Variants in SLC12A7 observed in about 807,000 individuals in gnomAD.
SLC12A7 encodes solute carrier family 12 member 7, also known as K-Cl cotransporter 4.
SLC12A7 carries 100 observed loss-of-function variants against 120.6 expected under a neutral mutation model. That is an observed-to-expected ratio of 0.83 (90% CI 0.71 to 0.98). SLC12A7 has a LOEUF of 0.98. Ranked by LOEUF, SLC12A7 falls within the 50% of genes least tolerant of loss-of-function variation. The pLI, the probability that SLC12A7 is intolerant of heterozygous loss-of-function variation, is 0.00. For synonymous variants in SLC12A7, 760 were observed against 678.0 expected, an observed-to-expected ratio of 1.12 and a Z score of -1.88; for missense variants, 1,373 against 1,548.1, an observed-to-expected ratio of 0.89 and a Z score of 1.90.
chr5:1,130,991 A>G, the SLC12A7 span, among the ~76,000 whole-genome samples: 15 of 151,874 alleles, frequency 9.9e-5, no homozygotes, highest in Non-Finnish European at 1.8e-4. Flanking sequence ...CCCACCTAGG[A>G]GATGGGGTCC....
chr5:1,051,783 C>T lies in SLC12A7; in HGVS notation c.*577G>A, dbSNP rs1245383929. 1 of 152,668 alleles carries T rather than the reference C, an allele frequency of 6.6e-6. No individual in the cohort carries two copies. Among genetic ancestry groups the T allele is most frequent in the African/African-American group, 2.4e-5 (1 of 41,468 alleles). 9.5% of individuals were successfully genotyped at this position (152,668 alleles called of 1,614,324 possible). On this transcript the variant is annotated 3_prime_UTR_variant, in exon 24 of 24. Transcript: ENST00000264930. The stretch of plus-strand genomic sequence containing the variant: ...AATGTGGACCTGCCGAGCCCAGAGG[C>T]TCCCACACGAGGGTGACACGGGCAT...
intron 20 of SLC12A7, among the ~76,000 whole-genome samples, chr5:1,060,987 C>CCGCA (rs1561034402): frequency 7.3e-6 from 1 of 136,096 alleles, no homozygotes; most frequent in African/African-American, 3.0e-5. Flanking sequence ...GTCTCACCCA[C>CCGCA]TGCACCTGCC....
intron 3 of SLC12A7, among the ~76,000 whole-genome samples, chr5:1,092,335 G>A (rs1740616383): frequency 6.6e-6 from 1 of 152,224 alleles, no homozygotes; most frequent in African/African-American, 2.4e-5. Context: ...AGGCTGGGAG[G>A]ATGCAGGGGA....
In SLC12A7 at chr5:1,063,965, T is replaced by C. The variant is rs1406256229; in HGVS notation, c.2618A>G (p.Lys873Arg). Residue 873 changes from lysine to arginine, a missense_variant, in exon 20 of 24, where the codon AAG becomes AGG. By Grantham distance (26) the Lys-to-Arg change is conservative (BLOSUM62 2). Transcript: ENST00000264930. ...CACGGTGAAGATACGCATCCGGCACTTCCTCCACACCTGCAGACAGGGAGG... is the reference window on the plus strand; with the variant it reads ...CACGGTGAAGATACGCATCCGGCACCTCCTCCACACCTGCAGACAGGGAGG... ...FLLRQHKVWRKCRMRIFTVAQ... is the reference protein window; with the variant it reads ...FLLRQHKVWRRCRMRIFTVAQ... The C allele has an allele frequency of 6.8e-6, 11 of 1,612,398 alleles. No individual in the cohort carries two copies.
At chr5:1,141,216 C>G in the SLC12A7 span, among the ~76,000 whole-genome samples, 1 of 152,166 alleles carries the variant, frequency 6.6e-6, no homozygotes, top group African/African-American at 2.4e-5. Flanking sequence ...CTGTGAGTGT[C>G]TATTTCTGTG....
At position 1,063,995 on chromosome 5, in the gene SLC12A7, G is replaced by A. The variant is rs771000583; in HGVS notation, c.2608-20C>T. 9.3e-6 allele frequency: 15 copies of A among 1,610,748 alleles called. No homozygotes were observed. Among genetic ancestry groups the A allele is most frequent in the Non-Finnish European group, 1.3e-5 (15 of 1,178,802 alleles). On this transcript the variant is annotated intron_variant, in intron 19 of 23. Coordinates refer to ENST00000264930, the MANE Select transcript of SLC12A7 (RefSeq NM_006598.3). ...CCACACCTGCAGACAGGGAGGGCATGGCTGTGGGGCCTCAGAGGAGCCCGT... is the reference window on the plus strand; with the variant it reads ...CCACACCTGCAGACAGGGAGGGCATAGCTGTGGGGCCTCAGAGGAGCCCGT...
At position 1,073,768 on chromosome 5, in the gene SLC12A7, C is replaced by A; in HGVS notation, c.2106G>T (p.Ala702=). Residue 702 remains alanine (A), a synonymous_variant, in exon 17 of 24, where the codon GCG becomes GCT. Transcript: ENST00000264930. The part of the protein sequence containing the change: ...PQVLVMLNLD[A]EQAVKHPRLL... ...GGCGGGGGTGCTTCACGGCCTGCTC[C>A]GCGTCCAGGTTCAGCATCACCAGCA... 1.3e-6 allele frequency: 2 copies of A among 1,492,116 alleles called. No individual in the cohort carries two copies. Among genetic ancestry groups the A allele is most frequent in the Non-Finnish European group, 1.8e-6 (2 of 1,116,014 alleles). The allele number at this position is 1,492,116 out of a possible 1,614,324, so 92.4% of individuals were successfully genotyped here. A position where few individuals can be genotyped will look rare whatever the true frequency, so the allele number is the denominator to read the frequency against.
chr5:1,082,182 G>A (rs1456672476), intron 8 of SLC12A7, among the ~76,000 whole-genome samples: 3 of 146,934 alleles, frequency 2.0e-5, no homozygotes, highest in African/African-American at 2.5e-5. Flanking sequence ...TGGAAAGTCC[G>A]GGCTTCCCGT....
At chr5:1,084,045 G>A in intron 7 of SLC12A7, 89 bp from the exon 8 acceptor site, 4 of 1,159,114 alleles carry the variant, frequency 3.5e-6, no homozygotes, top group Non-Finnish European at 5.0e-6. Context: ...CACCCATGGT[G>A]TCGCCCGCGA....
chr5:1,066,447 G>A (rs1737065066), intron 17 of SLC12A7, among the ~76,000 whole-genome samples: 1 of 152,208 alleles, frequency 6.6e-6, no homozygotes, highest in African/African-American at 2.4e-5. Flanking sequence ...AGGAGACACT[G>A]AGATGGGGTG....
intron 17 of SLC12A7, among the ~76,000 whole-genome samples, chr5:1,073,355 C>T (rs904851302): frequency 3.3e-5 from 5 of 152,214 alleles, no homozygotes; most frequent in Admixed American, 1.3e-4. Flanking sequence ...ACCATGATTA[C>T]GGCTCTGGAC....
intron 22 of SLC12A7, among the ~76,000 whole-genome samples, chr5:1,055,283 T>C (rs1429552239): frequency 2.0e-5 from 3 of 152,180 alleles, no homozygotes; most frequent in Non-Finnish European, 2.9e-5. Flanking sequence ...AAGACATGCA[T>C]AGTATGTGCA....
intron 3 of SLC12A7, among the ~76,000 whole-genome samples, chr5:1,092,734 T>G (rs903747427): frequency 6.6e-6 from 1 of 152,036 alleles, no homozygotes; most frequent in Non-Finnish European, 1.5e-5. Flanking sequence ...GATTATTTTT[T>G]TTTGTTTTTT....
intron 8 of SLC12A7, among the ~76,000 whole-genome samples, chr5:1,082,583 T>C (rs1369619976): frequency 7.9e-5 from 8 of 101,740 alleles, no homozygotes; most frequent in East Asian, 3.7e-4. Context: ...CCGGGCTTCC[T>C]CTCTAGGGTT....
At position 1,076,782 on chromosome 5, in the gene SLC12A7, G is replaced by T; in HGVS notation, c.1660C>A (p.Pro554Thr). The T allele has an allele frequency of 6.2e-7, 1 of 1,610,698 alleles. No homozygotes were observed. ...VFGHGKANGEPTWALLLTVLI... is the reference protein window; with the variant it reads ...VFGHGKANGETTWALLLTVLI... Reference sequence around the variant, plus strand: ...ACTGTCAGCAGCAGCGCCCACGTGGGCTCCCCGTTGGCCTTCCCGTGGCCA... The same window carrying T: ...ACTGTCAGCAGCAGCGCCCACGTGGTCTCCCCGTTGGCCTTCCCGTGGCCA... The change falls in exon 13 of 24, where the codon CCC becomes ACC. Residue 554 changes from proline (P) to threonine (T), a missense_variant. Physicochemically the swap from Pro to Thr is conservative, Grantham distance 38. Coordinates refer to ENST00000264930, the MANE Select transcript of SLC12A7 (RefSeq NM_006598.3).
chr5:1,121,193 G>A, the SLC12A7 span, among the ~76,000 whole-genome samples: 11 of 152,172 alleles, frequency 7.2e-5, no homozygotes, highest in African/African-American at 2.7e-4. Flanking sequence ...CTGTGAAGAA[G>A]AGTCCAGGCC....
intron 1 of SLC12A7, among the ~76,000 whole-genome samples, chr5:1,108,619 G>T (rs1419611059): frequency 6.6e-6 from 1 of 152,214 alleles, no homozygotes; most frequent in Non-Finnish European, 1.5e-5. Flanking sequence ...GACGCTCTGT[G>T]TGTGGTCCCC....
chr5:1,089,961 C>T (rs570414491), intron 3 of SLC12A7, among the ~76,000 whole-genome samples: 2 of 152,362 alleles, frequency 1.3e-5, no homozygotes, highest in South Asian at 4.1e-4. Flanking sequence ...ACGGCTGGTG[C>T]CAGCACAAGG....
At chr5:1,088,270 C>T (rs766141624) in intron 5 of SLC12A7, 36 bp downstream of exon 5, 5 of 1,562,806 alleles carry the variant, frequency 3.2e-6, no homozygotes, top group Non-Finnish European at 4.3e-6. Flanking sequence ...ACTCCTCTAA[C>T]AGGACTCAGG....
Sources: gnomAD v4.1 joint callset for allele counts (sites outside exome capture counted in the v4.1 genomes callset) on GRCh38, gnomAD v4.1.1 for gene constraint, MANE v1.5 for transcripts, NCBI Gene and HGNC (gene_info 2026-07-23, HGNC 2026-07-21) for gene names.